The following RAB32 variants were observed in gnomAD, a reference collection of about 807,000 sequenced individuals.
The protein encoded by RAB32 is RAB32, member RAS oncogene family, also known as ras-related protein Rab-32.
In RAB32, 17 loss-of-function variants were observed where a neutral mutation model predicts 17.5. That is an observed-to-expected ratio of 0.97 (90% CI 0.67 to 1.46). The LOEUF is 1.46. Ranked by LOEUF, RAB32 falls within the 40% of genes most tolerant of loss-of-function variation. The pLI is 0.00. For missense variants in RAB32, 288 were observed against 284.3 expected (o/e 1.01, Z -0.09); for synonymous variants, 115 against 111.1 (o/e 1.04, Z -0.22).
In RAB32 at chr6:146,554,687, G is replaced by T; in HGVS notation, c.*82G>T. 6.8e-7 allele frequency: 1 copy of T among 1,468,916 alleles called. No individual in the cohort carries two copies. The highest frequency in any genetic ancestry group is 9.1e-7 in the Non-Finnish European group (1 of 1,095,428). 91.0% of individuals were successfully genotyped at this position (1,468,916 alleles called of 1,614,324 possible). A position where few individuals can be genotyped will look rare whatever the true frequency, so the allele number is the denominator to read the frequency against. ...GGGTTACAGATGTCATGTTAGCTGGGAGTCTTCCCACATGTGGCACTTCAA... is the reference window on the plus strand; with the variant it reads ...GGGTTACAGATGTCATGTTAGCTGGTAGTCTTCCCACATGTGGCACTTCAA... On this transcript the variant is annotated 3_prime_UTR_variant, in exon 3 of 3. Coordinates refer to ENST00000367495, the MANE Select transcript of RAB32 (RefSeq NM_006834.5).
At chr6:146,551,289 G>A (rs1779895407) in intron 2 of RAB32, among the ~76,000 whole-genome samples, 1 of 152,188 alleles carries the variant, frequency 6.6e-6, no homozygotes, top group Non-Finnish European at 1.5e-5. Context: ...CACTTAATCT[G>A]ACACGAAGGA....
rs545194557 is a variant in RAB32 at position 146,549,195 on chromosome 6, G to T, written c.251-269G>T. Among the ~76,000 whole-genome samples, 14 of 152,270 alleles carry T rather than the reference G, an allele frequency of 9.2e-5. No homozygotes were observed. In the South Asian group the frequency reaches 2.9e-3, roughly 32 times the overall value. ...CGAGTCGGAATAAATGACAGACTTT[G>T]TAGCTTTAAATATTGTCATATTGGT... is the stretch of plus-strand genomic sequence containing the variant. On this transcript the variant is annotated intron_variant, in intron 1 of 2. Coordinates refer to ENST00000367495, the MANE Select transcript of RAB32 (RefSeq NM_006834.5).
At chr6:146,553,190 G>A (rs564410294) in intron 2 of RAB32, among the ~76,000 whole-genome samples, 3 of 152,008 alleles carry the variant, frequency 2.0e-5, no homozygotes, top group Non-Finnish European at 2.9e-5. Context: ...AAATGTAGAA[G>A]GAATGGCAGA....
In RAB32 at chr6:146,549,471, G is replaced by A. The variant is rs779972149; in HGVS notation, c.258G>A (p.Glu86=). ...RLQLWDIAGQ[E]RFGNMTRVYY... is the part of the protein sequence containing the mutation. The stretch of plus-strand genomic sequence containing the variant: ...TCTTATATTTATGTCTAGGGCAGGA[G>A]CGATTTGGCAACATGACCCGAGTAT... Residue 86 remains glutamate (E), a synonymous_variant, in exon 2 of 3, where the codon GAG becomes GAA. Transcript: ENST00000367495. 17 of 1,613,238 alleles carry A rather than the reference G, an allele frequency of 1.1e-5. No individual in the cohort carries two copies. Among genetic ancestry groups the A allele is most frequent in the Middle Eastern group, 3.3e-4 (2 of 6,006 alleles).
intron 2 of RAB32, among the ~76,000 whole-genome samples, chr6:146,551,663 T>C (rs1779900876): frequency 1.3e-5 from 2 of 151,768 alleles, no homozygotes; most frequent in South Asian, 4.1e-4. Flanking sequence ...GTTTTATAAA[T>C]GATAGACAAA....
intron 2 of RAB32, among the ~76,000 whole-genome samples, chr6:146,551,056 G>A (rs894665863): frequency 7.2e-5 from 11 of 152,054 alleles, no homozygotes; most frequent in East Asian, 1.9e-4. Context: ...GATGATCTGC[G>A]GGATAAAAGC....
chr6:146,549,855 G>C lies in RAB32; in HGVS notation c.528+114G>C, dbSNP rs184950006. On this transcript the variant is annotated intron_variant, in intron 2 of 2. Coordinates refer to ENST00000367495, the MANE Select transcript of RAB32 (RefSeq NM_006834.5). Reference sequence around the variant, plus strand: ...TGGTGTTTGAAAGTCTGGAAAATGAGAAGTGTAGCATGGATGTGTTATAGC... The same window carrying C: ...TGGTGTTTGAAAGTCTGGAAAATGACAAGTGTAGCATGGATGTGTTATAGC... The C allele has an allele frequency of 2.1e-4, 256 of 1,229,896 alleles. 1 individual carries two copies. The highest frequency in any genetic ancestry group is 7.0e-4 in the Admixed American group (27 of 38,826). 76.2% of individuals were successfully genotyped at this position (1,229,896 alleles called of 1,614,324 possible).
intron 1 of RAB32, 91 bp downstream of exon 1, chr6:146,544,212 C>T (rs1779792139): frequency 4.2e-6 from 6 of 1,444,308 alleles, no homozygotes; most frequent in Non-Finnish European, 5.5e-6. Flanking sequence ...TGCCTGAACT[C>T]GTCTGCCTGG....
intron 2 of RAB32, among the ~76,000 whole-genome samples, chr6:146,551,667 A>T (rs1330835204): frequency 6.6e-6 from 1 of 151,894 alleles, no homozygotes; most frequent in East Asian, 1.9e-4. Context: ...TATAAATGAT[A>T]GACAAAATTC....
chr6:146,544,684 A>G (rs1583534932), intron 1 of RAB32, among the ~76,000 whole-genome samples: 2 of 151,504 alleles, frequency 1.3e-5, no homozygotes, highest in African/African-American at 2.4e-5. Flanking sequence ...CACTCCGTGA[A>G]GATTTGGGAA....
At chr6:146,546,432 C>CA (rs3840129) in intron 1 of RAB32, among the ~76,000 whole-genome samples, 7,852 of 146,012 alleles carry the variant, frequency 0.054, 660 homozygotes, top group African/African-American at 0.19. Context: ...AGACCAAAAA[C>CA]AAAAAAAAAA....
chr6:146,554,717 C>A lies in RAB32; in HGVS notation c.*112C>A. 1 of 1,223,962 alleles carries A rather than the reference C, an allele frequency of 8.2e-7. No individual in the cohort carries two copies. The highest frequency in any genetic ancestry group is 1.1e-6 in the Non-Finnish European group (1 of 882,246). The allele number at this position is 1,223,962 out of a possible 1,614,324, so 75.8% of individuals were successfully genotyped here. A position where few individuals can be genotyped will look rare whatever the true frequency, so the allele number is the denominator to read the frequency against. On this transcript the variant is annotated 3_prime_UTR_variant, in exon 3 of 3. Transcript: ENST00000367495. ...TTCCCACATGTGGCACTTCAAAAGG[C>A]AGCACCACTGGGCGCCTGCACTTAT...
At chr6:146,552,345 C>A (rs1779906373) in intron 2 of RAB32, among the ~76,000 whole-genome samples, 2 of 152,112 alleles carry the variant, frequency 1.3e-5, no homozygotes, top group Admixed American at 1.3e-4. Context: ...TTAAAGTTAA[C>A]ACTTATCTTG....
At position 146,543,924 on chromosome 6, in the gene RAB32, C is replaced by G. The variant is rs747312779; in HGVS notation, c.53C>G (p.Ala18Gly). 6.2e-7 allele frequency: 1 copy of G among 1,600,594 alleles called. No homozygotes were observed. The highest frequency in any genetic ancestry group is 8.5e-7 in the Non-Finnish European group (1 of 1,174,756). ...DPGLGAAAAP[A>G]PETREHLFKV... is the part of the protein sequence containing the mutation. ...GGCCTGGGGGCGGCCGCCGCCCCAGCGCCCGAGACCCGCGAGCACCTCTTC... is the reference window on the plus strand; with the variant it reads ...GGCCTGGGGGCGGCCGCCGCCCCAGGGCCCGAGACCCGCGAGCACCTCTTC... The change falls in exon 1 of 3, where the codon GCG becomes GGG. Residue 18 changes from alanine (A) to glycine (G), a missense_variant. Physicochemically the swap from Ala to Gly is moderately conservative, Grantham distance 60. Transcript: ENST00000367495.
At chr6:146,545,272 G>GAA (rs376504722) in intron 1 of RAB32, among the ~76,000 whole-genome samples, 3 of 121,730 alleles carry the variant, frequency 2.5e-5, no homozygotes, top group Admixed American at 8.5e-5. Context: ...CCCTATCTCA[G>GAA]AAAAAAAAAA....
Position 146,554,675 on chromosome 6 carries a change from C to A in RAB32, c.*70C>A. ...GTTCCTGAGAATGGGTTACAGATGTCATGTTAGCTGGGAGTCTTCCCACAT... is the reference window on the plus strand; with the variant it reads ...GTTCCTGAGAATGGGTTACAGATGTAATGTTAGCTGGGAGTCTTCCCACAT... On this transcript the variant is annotated 3_prime_UTR_variant, in exon 3 of 3. Coordinates refer to ENST00000367495, the MANE Select transcript of RAB32 (RefSeq NM_006834.5). The A allele has an allele frequency of 6.6e-7, 1 of 1,508,326 alleles. No homozygotes were observed. Among genetic ancestry groups the A allele is most frequent in the South Asian group, 1.3e-5 (1 of 75,094 alleles). 93.4% of individuals were successfully genotyped at this position (1,508,326 alleles called of 1,614,324 possible). A position where few individuals can be genotyped will look rare whatever the true frequency, so the allele number is the denominator to read the frequency against.
chr6:146,548,270 A>T (rs1229276162), intron 1 of RAB32, among the ~76,000 whole-genome samples: 3 of 152,134 alleles, frequency 2.0e-5, no homozygotes, highest in Non-Finnish European at 2.9e-5. Flanking sequence ...CCTTAAATTT[A>T]TGCATTCACG....
At position 146,544,113 on chromosome 6, in the gene RAB32, A is replaced by AC. The variant is rs781207606; in HGVS notation, c.243dup (p.Ile82HisfsTer26). On this transcript the variant is annotated frameshift_variant, in exon 1 of 3. Transcript: ENST00000367495. LOFTEE classifies it high-confidence loss of function. ...ACTCTGGTGCGCCTGCAGCTGTGGGACATCGCGGGTAAGCGCGGCCGCGAG... is the reference window on the plus strand; with the variant it reads ...ACTCTGGTGCGCCTGCAGCTGTGGGACCATCGCGGGTAAGCGCGGCCGCGAG... 2.6e-5 allele frequency: 42 copies of AC among 1,610,372 alleles called. No homozygotes were observed. The highest frequency in any genetic ancestry group is 3.4e-5 in the Non-Finnish European group (40 of 1,178,232).
intron 1 of RAB32, among the ~76,000 whole-genome samples, chr6:146,545,081 AATAC>A (rs1261453930): frequency 1.3e-5 from 2 of 151,960 alleles, no homozygotes; most frequent in African/African-American, 4.8e-5. Flanking sequence ...GTCTCTACAA[AATAC>A]ATACATACAT....
Sources: gnomAD v4.1 joint callset for allele counts (sites outside exome capture counted in the v4.1 genomes callset) on GRCh38, gnomAD v4.1.1 for gene constraint, MANE v1.5 for transcripts, NCBI Gene and HGNC (gene_info 2026-07-23, HGNC 2026-07-21) for gene names.